RIPOR2: variants seen among roughly 807,000 people sequenced by gnomAD.
The protein encoded by RIPOR2 is rho family-interacting cell polarization regulator 2.
In RIPOR2, 39 loss-of-function variants were observed where a neutral mutation model predicts 114.5. The observed-to-expected ratio is 0.34, with a 90% CI of 0.26 to 0.44. RIPOR2 has a LOEUF of 0.44. Among genes scored for constraint, RIPOR2 ranks in the 20% least tolerant of loss-of-function variants. The pLI, the probability that RIPOR2 is intolerant of heterozygous loss-of-function variation, is 1.00. For missense variants in RIPOR2, 1,007 were observed against 1,255.1 expected, an observed-to-expected ratio of 0.80 and a Z score of 2.99; for synonymous variants, 445 against 484.4, an observed-to-expected ratio of 0.92 and a Z score of 1.07.
intron 1 of RIPOR2, among the ~76,000 whole-genome samples, chr6:24,876,719 GA>G (rs752471868): frequency 5.3e-5 from 8 of 152,180 alleles, no homozygotes; most frequent in Non-Finnish European, 7.3e-5. Context: ...GGTTAGATAA[GA>G]ACACAAGGGC....
Position 24,885,519 on chromosome 6 carries a change from C to T in RIPOR2, c.62-9702G>A, listed in dbSNP as rs548943111. Among the ~76,000 whole-genome samples, 35 of 152,228 alleles carry T rather than the reference C, an allele frequency of 2.3e-4. No individual in the cohort carries two copies. The South Asian group carries it at 4.8e-3, about 21-fold the overall frequency. ...AATTACAGGTGTGAGCCACCATGTC[C>T]GGCCAAAGTGGTACCTATTTCTTAA... is the stretch of plus-strand genomic sequence containing the variant. On this transcript the variant is annotated intron_variant, in intron 1 of 21. Coordinates refer to ENST00000643898, the MANE Select transcript of RIPOR2 (RefSeq NM_001286445.3).
chr6:25,023,781 C>T (rs1776450242), intron 1 of RIPOR2: 3 of 791,108 alleles, frequency 3.8e-6, no homozygotes, highest in South Asian at 1.3e-5. Context: ...CCATCGTTGA[C>T]GTTGGTCACC....
At chr6:24,852,672 G>A in intron 8 of RIPOR2, 54 bp from the exon 9 acceptor site, 5 of 1,297,778 alleles carry the variant, frequency 3.9e-6, no homozygotes, top group Non-Finnish European at 4.2e-6. Flanking sequence ...CCTCTCTATA[G>A]ACACATACTG....
At chr6:24,971,689 T>C (rs919503149) in intron 1 of RIPOR2, among the ~76,000 whole-genome samples, 2 of 152,244 alleles carry the variant, frequency 1.3e-5, no homozygotes, top group African/African-American at 4.8e-5. Flanking sequence ...TAGGGCTCTG[T>C]GTCTTGAAAA....
At chr6:24,854,124 GAA>G (rs56203816) in intron 8 of RIPOR2, among the ~76,000 whole-genome samples, 3,598 of 86,440 alleles carry the variant, frequency 0.042, 68 homozygotes, top group African/African-American at 0.081. Flanking sequence ...GTCTGAAAAA[GAA>G]AAAAAAAAAA....
intron 1 of RIPOR2, among the ~76,000 whole-genome samples, chr6:25,002,133 T>C (rs1414096260): frequency 6.6e-6 from 1 of 152,240 alleles, no homozygotes; most frequent in African/African-American, 2.4e-5. Context: ...AAAACAGCAG[T>C]GAGCTGCACT....
intron 1 of RIPOR2, among the ~76,000 whole-genome samples, chr6:24,894,059 G>A (rs141515967): frequency 6.6e-6 from 1 of 152,188 alleles, no homozygotes; most frequent in African/African-American, 2.4e-5. Context: ...AGTAGTCCAG[G>A]TGCTATGAGG....
chr6:24,875,574 T>C, intron 2 of RIPOR2, 117 bp downstream of exon 2: 2 of 881,682 alleles, frequency 2.3e-6, no homozygotes, highest in Non-Finnish European at 3.4e-6. Flanking sequence ...AAGATTAAAA[T>C]GGGGAGGAGG....
In RIPOR2 at chr6:24,881,573, T is replaced by C. The variant is rs75465061; in HGVS notation, c.62-5756A>G. On this transcript the variant is annotated intron_variant, in intron 1 of 21. Coordinates refer to ENST00000643898, the MANE Select transcript of RIPOR2 (RefSeq NM_001286445.3). ...ACAGAACCCTGAAAGCCACAGCTGT[T>C]TCTCGTCCCAGTTTCTTCATACAAT... Among the ~76,000 whole-genome samples the C allele has an allele frequency of 2.8e-3, 428 of 152,332 alleles. 3 individuals are homozygous for C. The highest frequency in any genetic ancestry group is 9.7e-3 in the African/African-American group (404 of 41,580).
chr6:24,821,776 C>T (rs995021837), intron 19 of RIPOR2, among the ~76,000 whole-genome samples: 5 of 152,180 alleles, frequency 3.3e-5, no homozygotes, highest in African/African-American at 7.2e-5. Context: ...CCCTGAAGTG[C>T]CACTTGCCAT....
chr6:24,986,949 T>C (rs184702465), intron 1 of RIPOR2, among the ~76,000 whole-genome samples: 37 of 151,778 alleles, frequency 2.4e-4, no homozygotes, highest in African/African-American at 8.2e-4. Flanking sequence ...AAAAATCTCA[T>C]AATGTTTTTA....
chr6:24,959,343 G>T (rs1486019925), intron 1 of RIPOR2, among the ~76,000 whole-genome samples: 1 of 152,172 alleles, frequency 6.6e-6, no homozygotes, highest in Non-Finnish European at 1.5e-5. Context: ...TTAATGCACT[G>T]TTTCATTTCA....
intron 1 of RIPOR2, among the ~76,000 whole-genome samples, chr6:24,994,965 A>G (rs1331501423): frequency 1.3e-5 from 2 of 152,032 alleles, no homozygotes; most frequent in Non-Finnish European, 2.9e-5. Flanking sequence ...ATATGGCCCC[A>G]GTGTCTGTGG....
At chr6:25,009,157 G>T (rs938459975) in intron 1 of RIPOR2, among the ~76,000 whole-genome samples, 2 of 152,200 alleles carry the variant, frequency 1.3e-5, no homozygotes, top group African/African-American at 4.8e-5. Flanking sequence ...GTGGGGAAAG[G>T]CAAGCCCCTC....
At chr6:24,856,174 T>C (rs576369441) in intron 8 of RIPOR2, among the ~76,000 whole-genome samples, 2 of 152,010 alleles carry the variant, frequency 1.3e-5, no homozygotes, top group East Asian at 3.9e-4. Flanking sequence ...TTACCATCAC[T>C]TGTCAGTAGG....
At chr6:24,936,060 C>T (rs1176022013), upstream of RIPOR2, 2 of 587,876 alleles carry the variant, frequency 3.4e-6, no homozygotes, top group Non-Finnish European at 6.0e-6. Context: ...TATGAATAGG[C>T]TTCTTGAGCC....
At chr6:24,839,532 C>T in intron 13 of RIPOR2, 1 of 1,407,570 alleles carries the variant, frequency 7.1e-7, no homozygotes, top group Non-Finnish European at 9.7e-7. Context: ...CAAGATTGGC[C>T]ATGAGTTGAT....
At chr6:24,910,218 T>G (rs1450201614) in intron 1 of RIPOR2, among the ~76,000 whole-genome samples, 2 of 152,052 alleles carry the variant, frequency 1.3e-5, no homozygotes, top group East Asian at 3.9e-4. Context: ...AAGCAACACA[T>G]TTTTTCCTTT....
chr6:24,845,037 C>T (rs1169065932), intron 12 of RIPOR2, among the ~76,000 whole-genome samples: 1 of 151,954 alleles, frequency 6.6e-6, no homozygotes, highest in African/African-American at 2.4e-5. Context: ...ACATGCAGTT[C>T]GTTGCACCCA....
Sources: allele counts gnomAD v4.1 joint callset (sites outside exome capture counted in the v4.1 genomes callset), GRCh38; gene constraint gnomAD v4.1.1; transcripts MANE v1.5; gene names NCBI Gene and HGNC (gene_info 2026-07-23, HGNC 2026-07-21).